TSSK4: variants seen among roughly 807,000 people sequenced by gnomAD.
TSSK4 encodes the protein testis-specific serine/threonine-protein kinase 4.
Under a neutral mutation model 28.5 loss-of-function variants are expected in TSSK4, and 22 were observed. The observed-to-expected ratio is 0.77, with a 90% CI of 0.55 to 1.10. The LOEUF is 1.10. TSSK4 is among the 50% of genes least tolerant of loss of function. The pLI, the probability that TSSK4 is intolerant of heterozygous loss-of-function variation, is 0.00. For missense variants in TSSK4, 329 were observed against 415.4 expected, an observed-to-expected ratio of 0.79 and a Z score of 1.81; for synonymous variants, 151 against 158.3, an observed-to-expected ratio of 0.95 and a Z score of 0.35.
chr14:24,207,857 G>A, intron 3 of TSSK4, 107 bp from the exon 4 acceptor site: 5 of 1,585,178 alleles, frequency 3.2e-6, no homozygotes, highest in Non-Finnish European at 4.3e-6. Flanking sequence ...ACTTTGACCA[G>A]AGTGGTATGA....
In TSSK4 at chr14:24,207,433, A is replaced by G; in HGVS notation, c.758A>G (p.Asn253Ser). The G allele has an allele frequency of 1.2e-6, 2 of 1,614,012 alleles. No individual in the cohort carries two copies. Among genetic ancestry groups the G allele is most frequent in the South Asian group, 1.1e-5 (1 of 91,074 alleles). The change falls in exon 3 of 4, where the codon AAT (asparagine) becomes AGT (serine). Residue 253 changes from asparagine (N) to serine (S), a missense_variant. Transcript: ENST00000339917. ...GCCCATCTGCCCTTTGATGACACCA[A>G]TCTCAAAAAGCTGCTAAGAGAGACT... is the stretch of plus-strand genomic sequence containing the variant. ...VVAHLPFDDT[N>S]LKKLLRETQK...
rs2039514786 is a variant in TSSK4, at chr14:24,206,248, T to C, written c.225+100T>C. On this transcript the variant is annotated intron_variant, in intron 1 of 3. Transcript: ENST00000339917. ...CAGGAGGGGTGGGGCCAGAAACCCC[T>C]AAACCAGAACTGAAATGTCTCACTA... The C allele has an allele frequency of 1.6e-5, 18 of 1,159,338 alleles. No individual in the cohort carries two copies. The South Asian group carries it at 2.3e-4, about 15-fold the overall frequency. The allele number at this position is 1,159,338 out of a possible 1,614,324, so 71.8% of individuals were successfully genotyped here.
At position 24,207,557 on chromosome 14, in the gene TSSK4, G is replaced by T; in HGVS notation, c.834+48G>T. The T allele has an allele frequency of 6.5e-7, 1 of 1,543,918 alleles. No homozygotes were observed. The highest frequency in any genetic ancestry group is 8.7e-7 in the Non-Finnish European group (1 of 1,148,978). On this transcript the variant is annotated intron_variant, in intron 3 of 3. Transcript: ENST00000339917. The stretch of plus-strand genomic sequence containing the variant: ...TGAGCCTTCAGGGATGACCCACAGG[G>T]AGGGGTGAATATCCAACCTAGGTCA...
At chr14:24,207,629 G>C (rs2039544571) in intron 3 of TSSK4, 120 bp downstream of exon 3, 4 of 1,211,190 alleles carry the variant, frequency 3.3e-6, no homozygotes, top group Admixed American at 2.4e-5. Flanking sequence ...TCCCACACCA[G>C]AGCCATCTCA....
chr14:24,207,802 G>C, intron 3 of TSSK4, 162 bp from the exon 4 acceptor site: 1 of 1,375,686 alleles, frequency 7.3e-7, no homozygotes, highest in Non-Finnish European at 1.0e-6. Flanking sequence ...TCCCCTCCAG[G>C]GAGTTAACTG....
Position 24,207,476 on chromosome 14 carries a change from C to T in TSSK4, c.801C>T (p.Phe267=), listed in dbSNP as rs759823998. The change falls in exon 3 of 4, where the codon TTC becomes TTT. Residue 267 remains phenylalanine (F), a synonymous_variant. Transcript: ENST00000339917. The part of the protein sequence containing the change: ...LLRETQKEVT[F]PANHTISQEC... ...GAGAGACTCAGAAGGAGGTCACTTT[C>T]CCAGCTAACCATACCATCTCCCAGG... 2 of 1,612,816 alleles carry T rather than the reference C, an allele frequency of 1.2e-6. No individual in the cohort carries two copies. Among genetic ancestry groups the T allele is most frequent in the African/African-American group, 1.3e-5 (1 of 74,884 alleles).
In TSSK4 at chr14:24,205,741, T is replaced by C; in HGVS notation, c.-183T>C. The C allele has an allele frequency of 3.4e-6, 2 of 595,326 alleles. No individual in the cohort carries two copies. The highest frequency in any genetic ancestry group is 6.0e-6 in the Non-Finnish European group (2 of 330,938). The allele number at this position is 595,326 out of a possible 1,614,324, so 36.9% of individuals were successfully genotyped here. A position where few individuals can be genotyped will look rare whatever the true frequency, so the allele number is the denominator to read the frequency against. On this transcript the variant is annotated 5_prime_UTR_variant, in exon 1 of 4. Coordinates refer to ENST00000339917, the MANE Select transcript of TSSK4 (RefSeq NM_001184739.2). ...AGACAAAAAGAACTGCTTCTCTTTC[T>C]TTCCCCCTCCAAGTTCCTAGTGGAG...
intron 3 of TSSK4, 76 bp downstream of exon 3, chr14:24,207,585 C>A: frequency 6.7e-7 from 1 of 1,481,532 alleles, no homozygotes; most frequent in Non-Finnish European, 9.1e-7. Context: ...CTAGGTCACC[C>A]AACCTAGGCC....
At chr14:24,206,959 C>T (rs1326798617) in intron 2 of TSSK4, 157 bp from the exon 3 acceptor site, 12 of 1,100,840 alleles carry the variant, frequency 1.1e-5, no homozygotes, top group Non-Finnish European at 1.6e-5. Flanking sequence ...CTCTGTCTCT[C>T]TCCCTACTTT....
chr14:24,207,305 C>T lies in TSSK4; in HGVS notation c.630C>T (p.Gly210=). 1 of 1,614,136 alleles carries T rather than the reference C, an allele frequency of 6.2e-7. No homozygotes were observed. The highest frequency in any genetic ancestry group is 8.5e-7 in the Non-Finnish European group (1 of 1,179,984). ...CFSHLSQTYC[G]SFAYACPEIL... is the part of the protein sequence containing the mutation. ...CCCACCTCAGCCAGACTTACTGTGG[C>T]AGCTTTGCTTACGCTTGCCCAGAGA... Residue 210 remains glycine (G), a synonymous_variant, in exon 3 of 4, where the codon GGC becomes GGT. Coordinates refer to ENST00000339917, the MANE Select transcript of TSSK4 (RefSeq NM_001184739.2).
At position 24,208,123 on chromosome 14, in the gene TSSK4, C is replaced by T; in HGVS notation, c.994C>T (p.Gln332Ter). The T allele has an allele frequency of 6.2e-7, 1 of 1,604,248 alleles. No homozygotes were observed. The highest frequency in any genetic ancestry group is 8.5e-7 in the Non-Finnish European group (1 of 1,172,286). The change falls in exon 4 of 4, where the codon CAA becomes TAA. Residue 332 changes from glutamine (Q) to a stop codon, truncating the protein, a stop_gained. Transcript: ENST00000339917. LOFTEE classifies it high-confidence loss of function. Reference sequence around the variant, plus strand: ...GCTCCACAACACCACTAAACAGCACCAATCCTTGCAAATTACGACCTGAAA... The same window carrying T: ...GCTCCACAACACCACTAAACAGCACTAATCCTTGCAAATTACGACCTGAAA... ...CQLHNTTKQHQSLQITT is the reference protein window; with the variant it reads ...CQLHNTTKQH
rs754671970 is a variant in TSSK4, at chr14:24,207,412, A to C, written c.737A>C (p.His246Pro). The part of the protein sequence containing the change: ...GVILYTLVVA[H>P]LPFDDTNLKK... ...ATCCTTTACACTCTAGTGGTCGCCC[A>C]TCTGCCCTTTGATGACACCAATCTC... Residue 246 changes from histidine to proline, a missense_variant, in exon 3 of 4, where the codon CAT (histidine) becomes CCT (proline). Physicochemically the swap from His to Pro is moderately conservative, Grantham distance 77 (BLOSUM62 -2). This residue lies in a region of TSSK4 where 139 missense variants were observed against 178.1 expected (regional missense o/e 0.78). Transcript: ENST00000339917. 6.2e-7 allele frequency: 1 copy of C among 1,614,180 alleles called. No homozygotes were observed. Among genetic ancestry groups the C allele is most frequent in the South Asian group, 1.1e-5 (1 of 91,088 alleles).
In TSSK4 at chr14:24,206,499, C is replaced by T; in HGVS notation, c.226-10C>T. Reference sequence around the variant, plus strand: ...TTCCCAGGTTTGATGGGTCCTTCTTCTGGGGTCAGGTAATGAAAGTCTTGC... The same window carrying T: ...TTCCCAGGTTTGATGGGTCCTTCTTTTGGGGTCAGGTAATGAAAGTCTTGC... On this transcript the variant is annotated splice_polypyrimidine_tract_variant and intron_variant, in intron 1 of 3. Transcript: ENST00000339917. The T allele has an allele frequency of 6.2e-7, 1 of 1,614,114 alleles. No homozygotes were observed. Among genetic ancestry groups the T allele is most frequent in the Non-Finnish European group, 8.5e-7 (1 of 1,179,970 alleles).
rs1176166519 is a variant in TSSK4 at position 24,206,019 on chromosome 14, C to T, written c.96C>T (p.Gly32=). ...GTTATGAGGTGGGCAAGGCCATTGG[C>T]CATGGCTCCTATGGGTCGGTATATG... The part of the protein sequence containing the change: ...EYGYEVGKAI[G]HGSYGSVYEA... The change falls in exon 1 of 4, where the codon GGC becomes GGT. Residue 32 remains glycine (G), a synonymous_variant. Coordinates refer to ENST00000339917, the MANE Select transcript of TSSK4 (RefSeq NM_001184739.2). 1 of 1,614,208 alleles carries T rather than the reference C, an allele frequency of 6.2e-7. No individual in the cohort carries two copies. Among genetic ancestry groups the T allele is most frequent in the Non-Finnish European group, 8.5e-7 (1 of 1,180,014 alleles).
At chr14:24,207,018 C>A in intron 2 of TSSK4, 98 bp from the exon 3 acceptor site, 1 of 1,512,158 alleles carries the variant, frequency 6.6e-7, no homozygotes. Context: ...ACCTTGTGCC[C>A]TCATAATGGT....
At position 24,207,423 on chromosome 14, in the gene TSSK4, G is replaced by C. The variant is rs780886326; in HGVS notation, c.748G>C (p.Asp250His). The C allele has an allele frequency of 1.9e-6, 3 of 1,614,126 alleles. No individual in the cohort carries two copies. Among genetic ancestry groups the C allele is most frequent in the Non-Finnish European group, 2.5e-6 (3 of 1,180,036 alleles). ...YTLVVAHLPFDDTNLKKLLRE... is the reference protein window; with the variant it reads ...YTLVVAHLPFHDTNLKKLLRE... ...TCTAGTGGTCGCCCATCTGCCCTTT[G>C]ATGACACCAATCTCAAAAAGCTGCT... is the stretch of plus-strand genomic sequence containing the variant. The change falls in exon 3 of 4, where the codon GAT (aspartate) becomes CAT (histidine). Residue 250 changes from aspartate (D) to histidine (H), a missense_variant. This residue lies in a region of TSSK4 where 139 missense variants were observed against 178.1 expected (regional missense o/e 0.78). Transcript: ENST00000339917.
At position 24,207,435 on chromosome 14, in the gene TSSK4, C is replaced by A; in HGVS notation, c.760C>A (p.Leu254Ile). ...VAHLPFDDTN[L>I]KKLLRETQKE... The stretch of plus-strand genomic sequence containing the variant: ...CCATCTGCCCTTTGATGACACCAAT[C>A]TCAAAAAGCTGCTAAGAGAGACTCA... The change falls in exon 3 of 4, where the codon CTC becomes ATC. Residue 254 changes from leucine to isoleucine, a missense_variant. Physicochemically the swap from Leu to Ile is conservative, Grantham distance 5 (BLOSUM62 2). This residue lies in a region of TSSK4 where 139 missense variants were observed against 178.1 expected (regional missense o/e 0.78). Coordinates refer to ENST00000339917, the MANE Select transcript of TSSK4 (RefSeq NM_001184739.2). 1 of 1,614,124 alleles carries A rather than the reference C, an allele frequency of 6.2e-7. No individual in the cohort carries two copies. Among genetic ancestry groups the A allele is most frequent in the Non-Finnish European group, 8.5e-7 (1 of 1,180,018 alleles).
chr14:24,206,607 TG>T lies in TSSK4; in HGVS notation c.325del (p.Asp109MetfsTer24). 6.2e-6 allele frequency: 10 copies of T among 1,614,174 alleles called. No individual in the cohort carries two copies. Among genetic ancestry groups the T allele is most frequent in the Non-Finnish European group, 8.5e-6 (10 of 1,180,032 alleles). The part of the protein sequence containing the change: ...YIILELAQGG[D>X]VLEWIQRYGA... ...TCATTCTGGAACTGGCTCAGGGTGG[TG>T]ATGTCCTTGAATGGATCCAGCGCTA... On this transcript the variant is annotated frameshift_variant, in exon 2 of 4. Coordinates refer to ENST00000339917, the MANE Select transcript of TSSK4 (RefSeq NM_001184739.2). LOFTEE classifies it high-confidence loss of function.
At position 24,208,193 on chromosome 14, in the gene TSSK4, T is replaced by G; in HGVS notation, c.*47T>G. ...AAGAGAGGAGCAAAGCAGGAGGTCTTGGGCTAAAAATCTTTTTTACCAAAA... is the reference window on the plus strand; with the variant it reads ...AAGAGAGGAGCAAAGCAGGAGGTCTGGGGCTAAAAATCTTTTTTACCAAAA... On this transcript the variant is annotated 3_prime_UTR_variant, in exon 4 of 4. Transcript: ENST00000339917. 6.6e-7 allele frequency: 1 copy of G among 1,519,634 alleles called. No individual in the cohort carries two copies. The highest frequency in any genetic ancestry group is 1.8e-4 in the Middle Eastern group (1 of 5,662). 94.1% of individuals were successfully genotyped at this position (1,519,634 alleles called of 1,614,324 possible).
Sources: gnomAD v4.1 joint callset for allele counts on GRCh38, gnomAD v4.1.1 for gene constraint, gnomAD v4.1.1 regional missense constraint, MANE v1.5 for transcripts, NCBI Gene and HGNC (gene_info 2026-07-23, HGNC 2026-07-21) for gene names.